The following DNMBP variants were observed in gnomAD, a reference collection of about 807,000 sequenced individuals.
The protein encoded by DNMBP is dynamin-binding protein.
DNMBP carries 87 observed loss-of-function variants against 150.0 expected under a neutral mutation model. The ratio of observed to expected loss-of-function variants is 0.58; its 90% CI spans 0.49 to 0.69. The LOEUF (loss-of-function observed/expected upper bound fraction) is 0.69. DNMBP is among the 30% of genes least tolerant of loss of function. The pLI is 0.00. For missense variants in DNMBP, 1,774 were observed against 1,949.0 expected, an observed-to-expected ratio of 0.91 and a Z score of 1.69; for synonymous variants, 711 against 750.4, an observed-to-expected ratio of 0.95 and a Z score of 0.86.
In DNMBP at chr10:99,930,040, G is replaced by T; in HGVS notation, c.2261-20894C>A. 3 of 702,894 alleles carry T rather than the reference G, an allele frequency of 4.3e-6. No individual in the cohort carries two copies. In the Middle Eastern group the frequency reaches 6.9e-4, roughly 161 times the overall value. 43.5% of individuals were successfully genotyped at this position (702,894 alleles called of 1,614,324 possible). A position where few individuals can be genotyped will look rare whatever the true frequency, so the allele number is the denominator to read the frequency against. On this transcript the variant is annotated intron_variant, in intron 4 of 16. Coordinates refer to ENST00000324109, the MANE Select transcript of DNMBP (RefSeq NM_015221.4). Reference sequence around the variant, plus strand: ...TTGGGATACATGTTGTCATTTTGATGAACATTCCTGTCCCCTTCATGGTAT... The same window carrying T: ...TTGGGATACATGTTGTCATTTTGATTAACATTCCTGTCCCCTTCATGGTAT...
chr10:99,970,257 C>T (rs1249322219), intron 2 of DNMBP, among the ~76,000 whole-genome samples: 3 of 152,126 alleles, frequency 2.0e-5, no homozygotes, highest in African/African-American at 4.8e-5. Flanking sequence ...AGAGTGTGCT[C>T]GAAGGACTCC....
intron 4 of DNMBP, among the ~76,000 whole-genome samples, chr10:99,935,375 T>C (rs1371922526): frequency 6.6e-6 from 1 of 152,108 alleles, no homozygotes; most frequent in Non-Finnish European, 1.5e-5. Context: ...CTTAGTTTTT[T>C]TTTTCTTATT....
chr10:99,967,822 A>G, intron 3 of DNMBP, among the ~76,000 whole-genome samples: 1 of 152,110 alleles, frequency 6.6e-6, no homozygotes, highest in Non-Finnish European at 1.5e-5. Context: ...GAGTCATCAC[A>G]AAATTGGATT....
intron 4 of DNMBP, among the ~76,000 whole-genome samples, chr10:99,942,785 A>G (rs2040314672): frequency 1.3e-5 from 2 of 152,180 alleles, no homozygotes; most frequent in Admixed American, 6.5e-5. Context: ...CTGACTTAAC[A>G]TAGCCTATTA....
intron 4 of DNMBP, chr10:99,931,007 T>C: frequency 2.5e-6 from 1 of 398,552 alleles, no homozygotes; most frequent in Non-Finnish European, 4.4e-6. Flanking sequence ...GAGTAACTAG[T>C]ATGCATGTGA....
rs1322449774 is a variant in DNMBP, at chr10:99,901,902, C to CT, written c.2555-1837dup. On this transcript the variant is annotated intron_variant, in intron 6 of 16. Coordinates refer to ENST00000324109, the MANE Select transcript of DNMBP (RefSeq NM_015221.4). ...TGGAAGTCCCTGTTCTTGTGCAGAA[C>CT]TTTTTTTTTTCCTTTTTTTAAGACA... Among the ~76,000 whole-genome samples the CT allele has an allele frequency of 4.6e-3, 685 of 150,316 alleles. 7 individuals are homozygous for CT. The highest frequency in any genetic ancestry group is 0.014 in the East Asian group (74 of 5,122).
chr10:100,006,504 T>C (rs4919410), intron 1 of DNMBP, among the ~76,000 whole-genome samples: 17,660 of 152,230 alleles, frequency 0.12, 1,435 homozygotes, highest in African/African-American at 0.22. Context: ...CCTTGTCCTC[T>C]TCCTGTCTAT....
chr10:99,948,830 GC>G (rs1210065687), intron 4 of DNMBP, among the ~76,000 whole-genome samples: 1 of 151,986 alleles, frequency 6.6e-6, no homozygotes, highest in African/African-American at 2.4e-5. Flanking sequence ...AGGTGTGGTG[GC>G]GGGCACCTGT....
chr10:99,942,784 C>T (rs2133308034), intron 4 of DNMBP, among the ~76,000 whole-genome samples: 1 of 152,308 alleles, frequency 6.6e-6, no homozygotes, highest in South Asian at 2.1e-4. Context: ...CCTGACTTAA[C>T]ATAGCCTATT....
chr10:100,006,874 G>T (rs1307122736), intron 1 of DNMBP, among the ~76,000 whole-genome samples: 1 of 152,184 alleles, frequency 6.6e-6, no homozygotes, highest in African/African-American at 2.4e-5. Flanking sequence ...AGCACTTTGG[G>T]AGGCCAAGGT....
Position 99,880,106 on chromosome 10 carries a change from A to G in DNMBP, c.4253T>C (p.Leu1418Pro). Residue 1418 changes from leucine (L) to proline (P), a missense_variant, in exon 16 of 17, where the codon CTC becomes CCC. Coordinates refer to ENST00000324109, the MANE Select transcript of DNMBP (RefSeq NM_015221.4). ...PPPKECDQGT[L>P]SASLNPSNSE... ...ATTACTCGGATTTAGGGATGCACTG[A>G]GAGTTCCTTGGTCACATTCTTTTGG... 6.2e-7 allele frequency: 1 copy of G among 1,614,156 alleles called. No homozygotes were observed. Among genetic ancestry groups the G allele is most frequent in the Non-Finnish European group, 8.5e-7 (1 of 1,180,016 alleles).
intron 15 of DNMBP, among the ~76,000 whole-genome samples, chr10:99,882,714 T>G (rs921573307): frequency 2.0e-5 from 3 of 152,226 alleles, no homozygotes; most frequent in African/African-American, 7.2e-5. Flanking sequence ...GGAGATGTAG[T>G]CATCCACCCA....
chr10:99,930,695 C>T (rs1384068920), intron 4 of DNMBP: 6 of 699,638 alleles, frequency 8.6e-6, no homozygotes, highest in Admixed American at 4.1e-5. Context: ...CTTCATACTC[C>T]CAGCTGGAGT....
chr10:99,973,064 G>T (rs2040695127), intron 1 of DNMBP, among the ~76,000 whole-genome samples: 1 of 151,180 alleles, frequency 6.6e-6, no homozygotes, highest in South Asian at 2.1e-4. Context: ...TTACAGGCGT[G>T]AGCCACTGCC....
chr10:99,944,638 T>C (rs2040337902), intron 4 of DNMBP, among the ~76,000 whole-genome samples: 1 of 152,214 alleles, frequency 6.6e-6, no homozygotes, highest in Non-Finnish European at 1.5e-5. Flanking sequence ...GCCTGGCACA[T>C]GGTAAAAATA....
In DNMBP at chr10:99,967,715, G is replaced by T. The variant is rs973843669; in HGVS notation, c.268+1400C>A. 2.0e-5 allele frequency among the ~76,000 whole-genome samples: 3 copies of T among 151,076 alleles called. No homozygotes were observed. In the South Asian group the frequency reaches 6.3e-4, roughly 32 times the overall value. ...TGTGTGTGTGGGTATGTGTGTACAT[G>T]ATTTAAGAAATGAAGCCTGTCCCTT... On this transcript the variant is annotated intron_variant, in intron 3 of 16. Coordinates refer to ENST00000324109, the MANE Select transcript of DNMBP (RefSeq NM_015221.4).
chr10:99,888,729 G>A, intron 12 of DNMBP, 96 bp downstream of exon 12: 1 of 1,431,738 alleles, frequency 7.0e-7, no homozygotes, highest in South Asian at 1.3e-5. Flanking sequence ...TATGCCTGGT[G>A]CCCAGGGCCT....
In DNMBP at chr10:99,893,261, AG is replaced by A. The variant is rs545055052; in HGVS notation, c.3156+1684del. On this transcript the variant is annotated intron_variant, in intron 11 of 16. Coordinates refer to ENST00000324109, the MANE Select transcript of DNMBP (RefSeq NM_015221.4). ...TTTATACTGCCACAAGATTTGGCTC[AG>A]AAGTACACTGGCCTTCAGACAGACT... is the stretch of plus-strand genomic sequence containing the variant. Among the ~76,000 whole-genome samples the A allele has an allele frequency of 3.3e-5, 5 of 152,350 alleles. No homozygotes were observed. The East Asian group carries it at 9.6e-4, about 29-fold the overall frequency.
At chr10:99,899,097 C>A (rs2039701568) in intron 7 of DNMBP, among the ~76,000 whole-genome samples, 1 of 152,012 alleles carries the variant, frequency 6.6e-6, no homozygotes, top group Admixed American at 6.6e-5. Context: ...GGGGCTGAGG[C>A]AGGGGATCGC....
Sources: gnomAD v4.1 joint callset for allele counts (sites outside exome capture counted in the v4.1 genomes callset) on GRCh38, gnomAD v4.1.1 for gene constraint, MANE v1.5 for transcripts, NCBI Gene and HGNC (gene_info 2026-07-23, HGNC 2026-07-21) for gene names.